TRIM69: variants seen among roughly 807,000 people sequenced by gnomAD.
TRIM69 encodes E3 ubiquitin-protein ligase TRIM69.
Under a neutral mutation model 37.7 loss-of-function variants are expected in TRIM69, and 29 were observed. The observed-to-expected ratio is 0.77, with a 90% confidence interval of 0.57 to 1.05. The LOEUF (loss-of-function observed/expected upper bound fraction) is 1.05, where lower values mean the gene tolerates loss of function less well. Ranked by LOEUF, TRIM69 falls within the 50% of genes least tolerant of loss-of-function variation. TRIM69 has a pLI of 0.00. For synonymous variants in TRIM69, 209 were observed against 212.4 expected (o/e 0.98, Z 0.14); for missense variants, 596 against 579.9 (o/e 1.03, Z -0.28).
Position 44,754,899 on chromosome 15 carries a change from G to T in TRIM69, c.7-1G>T. The T allele has an allele frequency of 6.2e-7, 1 of 1,602,926 alleles. No individual in the cohort carries two copies. The highest frequency in any genetic ancestry group is 1.1e-5 in the South Asian group (1 of 90,386). On this transcript the variant is annotated splice_acceptor_variant, in intron 1 of 6. Transcript: ENST00000329464. LOFTEE classifies it high-confidence loss of function. ...CTCATTTTAGCTGTTCTTTTCTAAA[G>T]GTATCCACCAACCCCTCCTCCAACA...
intron 6 of TRIM69, among the ~76,000 whole-genome samples, chr15:44,766,377 C>T (rs1248122320): frequency 6.6e-6 from 1 of 152,178 alleles, no homozygotes. Flanking sequence ...ATCTGTTAAA[C>T]CAAAATAAAC....
rs1299748734 is a variant in TRIM69 at position 44,765,762 on chromosome 15, C to A, written c.962-1469C>A. On this transcript the variant is annotated intron_variant, in intron 6 of 6. Transcript: ENST00000329464. The stretch of plus-strand genomic sequence containing the variant: ...GAGCAAGAATCTATCTCAAAAAAAA[C>A]AAAACAAAACAAACAAACAAACAAA... Among the ~76,000 whole-genome samples the A allele has an allele frequency of 8.3e-4, 18 of 21,772 alleles. 1 individual carries two copies. The South Asian group carries it at 0.013, about 15-fold the overall frequency. The allele number at this position is 21,772 out of a possible 152,430, so 14.3% of individuals were successfully genotyped here. A position where few individuals can be genotyped will look rare whatever the true frequency, so the allele number is the denominator to read the frequency against.
intron 6 of TRIM69, among the ~76,000 whole-genome samples, chr15:44,766,850 A>C (rs990205236): frequency 2.0e-5 from 3 of 151,868 alleles, no homozygotes; most frequent in African/African-American, 7.3e-5. Flanking sequence ...TGGGGCCAGG[A>C]GTTCAAGGCC....
At chr15:44,764,315 T>C (rs921002771) in intron 6 of TRIM69, among the ~76,000 whole-genome samples, 6 of 152,234 alleles carry the variant, frequency 3.9e-5, no homozygotes, top group African/African-American at 1.4e-4. Context: ...ATTAATAATG[T>C]ATTATTTATC....
At chr15:44,760,175 A>G (rs2087746751) in intron 6 of TRIM69, among the ~76,000 whole-genome samples, 1 of 152,256 alleles carries the variant, frequency 6.6e-6, no homozygotes, top group South Asian at 2.1e-4. Flanking sequence ...AATCAGCTAT[A>G]TGAATCCCAG....
At chr15:44,767,117 C>G (rs564094762) in intron 6 of TRIM69, 114 bp from the exon 7 acceptor site, 36 of 385,876 alleles carry the variant, frequency 9.3e-5, no homozygotes, top group Non-Finnish European at 1.3e-4. Context: ...GTCTAAGAGT[C>G]TATGTGTATG....
intron 1 of TRIM69, among the ~76,000 whole-genome samples, chr15:44,747,676 A>C (rs1184635971): frequency 6.6e-6 from 1 of 152,234 alleles, no homozygotes; most frequent in Admixed American, 6.5e-5. Flanking sequence ...GGCAAGACCC[A>C]GGTTTGGGGA....
intron 6 of TRIM69, among the ~76,000 whole-genome samples, chr15:44,761,819 T>C (rs2087781873): frequency 6.6e-6 from 1 of 152,216 alleles, no homozygotes; most frequent in African/African-American, 2.4e-5. Context: ...TTCCTTGCCA[T>C]TCATATATTT....
chr15:44,738,248 T>C (rs1596010539), intron 1 of TRIM69, among the ~76,000 whole-genome samples: 1 of 150,486 alleles, frequency 6.6e-6, no homozygotes, highest in East Asian at 1.9e-4. Context: ...TATTTTTTTT[T>C]TTAGTAGAGA....
intron 1 of TRIM69, among the ~76,000 whole-genome samples, chr15:44,744,628 C>A (rs1181901143): frequency 6.6e-6 from 1 of 152,020 alleles, no homozygotes. Context: ...TGTAAAATAA[C>A]TTTTTAACAC....
chr15:44,760,959 C>T (rs1353447429), intron 6 of TRIM69, among the ~76,000 whole-genome samples: 1 of 151,702 alleles, frequency 6.6e-6, no homozygotes, highest in African/African-American at 2.4e-5. Flanking sequence ...GCTCTGTTGC[C>T]CAGGCTGGAG....
intron 1 of TRIM69, among the ~76,000 whole-genome samples, chr15:44,747,365 C>T (rs1305005741): frequency 6.6e-6 from 1 of 152,130 alleles, no homozygotes; most frequent in African/African-American, 2.4e-5. Context: ...AAATATAACC[C>T]TGCCTCCATC....
At chr15:44,749,929 G>A (rs181545920) in intron 1 of TRIM69, among the ~76,000 whole-genome samples, 4 of 152,318 alleles carry the variant, frequency 2.6e-5, no homozygotes, top group African/African-American at 9.6e-5. Context: ...ACAAGTGAGT[G>A]TGAAGTGGTA....
intron 1 of TRIM69, among the ~76,000 whole-genome samples, chr15:44,750,203 T>TA (rs2087489742): frequency 6.6e-6 from 1 of 152,222 alleles, no homozygotes; most frequent in Admixed American, 6.5e-5. Flanking sequence ...AAAAGAAAAC[T>TA]AAAAATAGTT....
Position 44,736,553 on chromosome 15 carries a change from C to A in TRIM69, c.-152C>A. On this transcript the variant is annotated 5_prime_UTR_variant, in exon 1 of 7. Transcript: ENST00000329464. ...AGACCTCACTCTGGCCTTGCTGCTT[C>A]TCTCCAGCTCCTGAACTTTTCTTTC... 2 of 761,360 alleles carry A rather than the reference C, an allele frequency of 2.6e-6. No individual in the cohort carries two copies. The highest frequency in any genetic ancestry group is 4.0e-6 in the Non-Finnish European group (2 of 498,818). 47.2% of individuals were successfully genotyped at this position (761,360 alleles called of 1,614,324 possible). A position where few individuals can be genotyped will look rare whatever the true frequency, so the allele number is the denominator to read the frequency against.
intron 6 of TRIM69, among the ~76,000 whole-genome samples, chr15:44,760,294 A>G (rs1274331387): frequency 6.6e-6 from 1 of 152,166 alleles, no homozygotes; most frequent in Non-Finnish European, 1.5e-5. Flanking sequence ...ATTTTAGAAG[A>G]TTGTTTAGAT....
chr15:44,762,496 A>G (rs1464973330), intron 6 of TRIM69, among the ~76,000 whole-genome samples: 1 of 151,930 alleles, frequency 6.6e-6, no homozygotes, highest in African/African-American at 2.4e-5. Flanking sequence ...AATTTTACAT[A>G]TTTTAGACAA....
chr15:44,744,451 T>TATA (rs2087360113), intron 1 of TRIM69, among the ~76,000 whole-genome samples: 1 of 151,664 alleles, frequency 6.6e-6, no homozygotes, highest in African/African-American at 2.4e-5. Flanking sequence ...AAACTTAAAG[T>TATA]ATAATAATAA....
At chr15:44,750,801 T>G (rs2087507114) in intron 1 of TRIM69, among the ~76,000 whole-genome samples, 1 of 132,700 alleles carries the variant, frequency 7.5e-6, no homozygotes, top group Admixed American at 8.9e-5. Context: ...CTTGGCTCAC[T>G]GCAAGCTCTG....
Sources: gnomAD v4.1 joint callset for allele counts (sites outside exome capture counted in the v4.1 genomes callset) on GRCh38, gnomAD v4.1.1 for gene constraint, MANE v1.5 for transcripts, NCBI Gene and HGNC (gene_info 2026-07-23, HGNC 2026-07-21) for gene names.